Variants in ALG8 observed in about 807,000 individuals in gnomAD.
ALG8 encodes dolichyl pyrophosphate Glc1Man9GlcNAc2 alpha-1,3-glucosyltransferase.
A neutral mutation model predicts 70.2 loss-of-function variants in ALG8; 48 were observed. The observed-to-expected ratio is 0.68, with a 90% CI of 0.54 to 0.87. The LOEUF is 0.87. ALG8 is among the 40% of genes least tolerant of loss of function. The pLI, the probability that ALG8 is intolerant of heterozygous loss-of-function variation, is 0.00. For missense variants in ALG8, 572 were observed against 608.7 expected, an observed-to-expected ratio of 0.94 and a Z score of 0.64; for synonymous variants, 234 against 229.0, an observed-to-expected ratio of 1.02 and a Z score of -0.20.
chr11:78,121,343 C>T, intron 3 of ALG8, 169 bp from the exon 4 acceptor site: 1 of 620,986 alleles, frequency 1.6e-6, no homozygotes. Context: ...GATGGGGTAT[C>T]ACTGTTGCCC....
intron 8 of ALG8, among the ~76,000 whole-genome samples, chr11:78,110,077 C>T (rs140858736): frequency 0.013 from 2,030 of 152,290 alleles, 52 homozygotes; most frequent in African/African-American, 0.045. Flanking sequence ...CTCTCAACAC[C>T]TGTGTCCCTC....
intron 4 of ALG8, among the ~76,000 whole-genome samples, chr11:78,120,097 C>G (rs951943617): frequency 6.6e-6 from 1 of 150,572 alleles, no homozygotes; most frequent in Non-Finnish European, 1.5e-5. Flanking sequence ...GCAAGAATGT[C>G]TCAAATTAAA....
At chr11:78,105,018 AG>A (rs1859953490) in intron 10 of ALG8, among the ~76,000 whole-genome samples, 1 of 152,008 alleles carries the variant, frequency 6.6e-6, no homozygotes, top group Non-Finnish European at 1.5e-5. Context: ...CTCCAAAGAC[AG>A]GAATGTTGTG....
chr11:78,136,978 T>C (rs942063441), intron 1 of ALG8, among the ~76,000 whole-genome samples: 1 of 152,006 alleles, frequency 6.6e-6, no homozygotes, highest in Non-Finnish European at 1.5e-5. Flanking sequence ...CTCAGCTCAC[T>C]GCAACCTCCA....
chr11:78,102,239 CT>C (rs1859828161), intron 12 of ALG8, among the ~76,000 whole-genome samples: 1 of 152,188 alleles, frequency 6.6e-6, no homozygotes, highest in South Asian at 2.1e-4. Flanking sequence ...TCCCATCCCC[CT>C]GTTCCCTCAA....
intron 12 of ALG8, 129 bp downstream of exon 12, chr11:78,103,851 A>G (rs1859904847): frequency 1.6e-5 from 9 of 547,356 alleles, no homozygotes. Context: ...CCCTCTATTT[A>G]CCAATTTTTT....
Position 78,101,127 on chromosome 11 carries a change from C to G in ALG8, c.1418G>C (p.Cys473Ser). Residue 473 changes from cysteine to serine, a missense_variant, in exon 13 of 13, where the codon TGC becomes TCC. Coordinates refer to ENST00000299626, the MANE Select transcript of ALG8 (RefSeq NM_024079.5). ...YLLGLGPLEV[C>S]CEFVFPFTSW... ...GGTGAAAGGGAATACAAATTCACAG[C>G]AGACTTCCAGAGGCCCCAGGCCAAG... 6.2e-7 allele frequency: 1 copy of G among 1,614,212 alleles called. No individual in the cohort carries two copies. The highest frequency in any genetic ancestry group is 8.5e-7 in the Non-Finnish European group (1 of 1,180,048).
intron 5 of ALG8, among the ~76,000 whole-genome samples, chr11:78,115,223 A>G (rs994176377): frequency 2.6e-5 from 4 of 151,746 alleles, no homozygotes; most frequent in Admixed American, 6.6e-5. Flanking sequence ...TAGTAGAGAC[A>G]GGGTTTCACC....
chr11:78,116,241 A>G (rs1232363076), intron 5 of ALG8, among the ~76,000 whole-genome samples: 1 of 152,044 alleles, frequency 6.6e-6, no homozygotes. Context: ...GGTGCCTGTA[A>G]TCCCAGCTAC....
At chr11:78,134,161 G>C (rs1861439055) in intron 1 of ALG8, among the ~76,000 whole-genome samples, 1 of 150,272 alleles carries the variant, frequency 6.7e-6, no homozygotes, top group Admixed American at 6.6e-5. Context: ...TTTTGAGATG[G>C]AGTCTCACTC....
At chr11:78,132,441 T>C (rs992928628) in intron 1 of ALG8, among the ~76,000 whole-genome samples, 2 of 152,192 alleles carry the variant, frequency 1.3e-5, no homozygotes, top group African/African-American at 2.4e-5. Context: ...AAAAATATTT[T>C]ATAAATGCAG....
At chr11:78,114,016 C>G in intron 6 of ALG8, 27 bp from the exon 7 acceptor site, 1 of 1,563,936 alleles carries the variant, frequency 6.4e-7, no homozygotes, top group Non-Finnish European at 8.7e-7. Context: ...TTATCAGTAA[C>G]CAGGAAGATG....
Position 78,121,161 on chromosome 11 carries a change from T to G in ALG8, c.382A>C (p.Ile128Leu). Residue 128 changes from isoleucine (I) to leucine (L), a missense_variant, in exon 4 of 13, where the codon ATT (isoleucine) becomes CTT (leucine). Coordinates refer to ENST00000299626, the MANE Select transcript of ALG8 (RefSeq NM_024079.5). ...VYAVRECCKC[I>L]DGKKVGKELT... ...TCTTTACCCACTTTTTTTCCATCAA[T>G]GCATTTACAGCACCTACATTGAAAC... The G allele has an allele frequency of 6.2e-7, 1 of 1,612,564 alleles. No homozygotes were observed.
chr11:78,127,184 G>C (rs535734499), intron 2 of ALG8, among the ~76,000 whole-genome samples, 174 bp downstream of exon 2: 126 of 152,062 alleles, frequency 8.3e-4, no homozygotes, highest in Middle Eastern at 3.4e-3. Flanking sequence ...TCACTGTGTT[G>C]GCCAGGCTGG....
chr11:78,129,473 G>A (rs1258213060), intron 1 of ALG8, among the ~76,000 whole-genome samples: 1 of 152,018 alleles, frequency 6.6e-6, no homozygotes, highest in East Asian at 1.9e-4. Context: ...GTAAAAAGTG[G>A]AGATAAATGT....
chr11:78,130,269 A>G (rs1861248498), intron 1 of ALG8, among the ~76,000 whole-genome samples: 1 of 141,896 alleles, frequency 7.0e-6, no homozygotes, highest in African/African-American at 2.6e-5. Context: ...GGACTGCCTG[A>G]GCCCAAGAGG....
In ALG8 at chr11:78,127,506, T is replaced by G. The variant is rs1024544897; in HGVS notation, c.96-70A>C. On this transcript the variant is annotated intron_variant, in intron 1 of 12. Coordinates refer to ENST00000299626, the MANE Select transcript of ALG8 (RefSeq NM_024079.5). Reference sequence around the variant, plus strand: ...TATCAATTTCTAATTCCCATAGTTATGCTTTTAAATGGACTGACATTCCCT... The same window carrying G: ...TATCAATTTCTAATTCCCATAGTTAGGCTTTTAAATGGACTGACATTCCCT... 3.8e-6 allele frequency: 5 copies of G among 1,318,498 alleles called. No homozygotes were observed. The South Asian group carries it at 6.1e-5, about 16-fold the overall frequency. The allele number at this position is 1,318,498 out of a possible 1,614,324, so 81.7% of individuals were successfully genotyped here.
rs752322090 is a variant in ALG8, at chr11:78,106,985, G to GA, written c.1039-40dup. ...GCAAAGATAAACTTCAGTATCATTTGAAACAGACTTTACAGAAACAGAGTT... is the reference window on the plus strand; with the variant it reads ...GCAAAGATAAACTTCAGTATCATTTGAAAACAGACTTTACAGAAACAGAGTT... On this transcript the variant is annotated intron_variant, in intron 9 of 12. Transcript: ENST00000299626. 8 of 1,611,342 alleles carry GA rather than the reference G, an allele frequency of 5.0e-6. No homozygotes were observed. In the South Asian group the frequency reaches 7.7e-5, roughly 16 times the overall value.
intron 5 of ALG8, among the ~76,000 whole-genome samples, chr11:78,118,726 T>G (rs1267166526): frequency 6.6e-6 from 1 of 151,844 alleles, no homozygotes; most frequent in Non-Finnish European, 1.5e-5. Context: ...GGAGGATCAC[T>G]TGAGGTCAGG....
Sources: gnomAD v4.1 joint callset for allele counts (sites outside exome capture counted in the v4.1 genomes callset) on GRCh38, gnomAD v4.1.1 for gene constraint, MANE v1.5 for transcripts, NCBI Gene and HGNC (gene_info 2026-07-23, HGNC 2026-07-21) for gene names.